Variants in CADM1 observed in about 807,000 individuals in gnomAD.
The protein encoded by CADM1 is cell adhesion molecule 1, also known as TSLC-1.
A neutral mutation model predicts 53.1 loss-of-function variants in CADM1; 15 were observed. The ratio of observed to expected loss-of-function variants is 0.28; its 90% CI spans 0.19 to 0.44. CADM1 has a LOEUF of 0.44. CADM1 is among the 20% of genes least tolerant of loss of function. The probability of loss-of-function intolerance (pLI) is 1.00; values close to 1 mark genes in which losing one functional copy is unlikely to be tolerated. For synonymous variants in CADM1, 281 were observed against 243.0 expected (o/e 1.16, Z -1.45); for missense variants, 434 against 611.3 (o/e 0.71, Z 3.06).
chr11:115,455,957 G>A (rs1158371026), intron 1 of CADM1, among the ~76,000 whole-genome samples: 1 of 152,112 alleles, frequency 6.6e-6, no homozygotes, highest in Non-Finnish European at 1.5e-5. Context: ...CTTTCATGCT[G>A]AACATCCTAC....
intron 1 of CADM1, among the ~76,000 whole-genome samples, chr11:115,363,478 T>C (rs1272860197): frequency 1.3e-5 from 2 of 152,222 alleles, no homozygotes; most frequent in African/African-American, 4.8e-5. Context: ...TCGATTTGTT[T>C]GTTTGCCCAC....
rs1941808565 is a variant in CADM1, at chr11:115,231,402, G to A, written c.513C>T (p.Ser171=). Residue 171 remains serine (S), a synonymous_variant, in exon 4 of 12, where the codon AGC becomes AGT. Coordinates refer to ENST00000331581, the MANE Select transcript of CADM1 (RefSeq NM_001301043.2). ...EIEVNCTAMA[S]KPATTIRWFK... ...ACCACCTGATAGTCGTGGCTGGCTT[G>A]CTGGCCATAGCAGTGCAGTTGACTT... The A allele has an allele frequency of 6.2e-7, 1 of 1,613,968 alleles. No homozygotes were observed. Among genetic ancestry groups the A allele is most frequent in the Non-Finnish European group, 8.5e-7 (1 of 1,179,976 alleles).
chr11:115,372,033 A>T lies in CADM1; in HGVS notation c.125-131613T>A, dbSNP rs1156416282. Among the ~76,000 whole-genome samples the T allele has an allele frequency of 3.9e-5, 6 of 152,334 alleles. No homozygotes were observed. The South Asian group carries it at 1.2e-3, about 32-fold the overall frequency. ...CATGTGATAATGGTTAAGAAGAGTA[A>T]GAAAAATGCTCATTTGAAGTTTACT... On this transcript the variant is annotated intron_variant, in intron 1 of 11. Transcript: ENST00000331581.
At chr11:115,188,023 A>G (rs898263226) in intron 10 of CADM1, among the ~76,000 whole-genome samples, 1 of 152,124 alleles carries the variant, frequency 6.6e-6, no homozygotes, top group African/African-American at 2.4e-5. Context: ...CAGAAGACTG[A>G]TGGATTTCTT....
At chr11:115,405,707 G>T (rs913376237) in intron 1 of CADM1, among the ~76,000 whole-genome samples, 1 of 152,150 alleles carries the variant, frequency 6.6e-6, no homozygotes, top group African/African-American at 2.4e-5. Context: ...AAGGTAAAAA[G>T]CAAATTTCAG....
intron 1 of CADM1, among the ~76,000 whole-genome samples, chr11:115,388,515 C>T (rs1043343931): frequency 6.6e-6 from 1 of 152,066 alleles, no homozygotes; most frequent in South Asian, 2.1e-4. Context: ...GTAGAAAAAT[C>T]AGGCAATGCC....
intron 1 of CADM1, among the ~76,000 whole-genome samples, chr11:115,245,478 C>T (rs967812166): frequency 6.6e-5 from 10 of 152,168 alleles, no homozygotes; most frequent in African/African-American, 1.9e-4. Context: ...TGTGAGCCTT[C>T]GCTGACTTGA....
chr11:115,257,154 T>C (rs1942816786), intron 1 of CADM1, among the ~76,000 whole-genome samples: 1 of 152,080 alleles, frequency 6.6e-6, no homozygotes, highest in Non-Finnish European at 1.5e-5. Flanking sequence ...AGTTTTTCTT[T>C]TTAAAAAAGT....
intron 10 of CADM1, among the ~76,000 whole-genome samples, chr11:115,181,917 G>A (rs1372821821): frequency 1.3e-5 from 2 of 152,308 alleles, no homozygotes; most frequent in African/African-American, 4.8e-5. Flanking sequence ...GGAGTCGCAC[G>A]AAAACCAGAA....
intron 1 of CADM1, among the ~76,000 whole-genome samples, chr11:115,244,926 T>C (rs1231316406): frequency 6.6e-6 from 1 of 152,214 alleles, no homozygotes; most frequent in Admixed American, 6.5e-5. Context: ...TTATTACCAG[T>C]GCATGGCGGC....
chr11:115,295,018 A>G (rs1179475055), intron 1 of CADM1, among the ~76,000 whole-genome samples: 2 of 152,140 alleles, frequency 1.3e-5, no homozygotes, highest in Non-Finnish European at 1.5e-5. Context: ...CAGCCTGGGC[A>G]ACAAGAGTGA....
chr11:115,501,518 T>C (rs1395327334), intron 1 of CADM1, among the ~76,000 whole-genome samples: 2 of 152,200 alleles, frequency 1.3e-5, no homozygotes, highest in East Asian at 3.9e-4. Context: ...CTTGAACGTA[T>C]AACAGGCGTG....
intron 8 of CADM1, 39 bp downstream of exon 8, chr11:115,209,535 A>C: frequency 6.2e-7 from 1 of 1,610,796 alleles, no homozygotes; most frequent in Non-Finnish European, 8.5e-7. Flanking sequence ...AAGACAATAT[A>C]CATTCAGGAC....
intron 7 of CADM1, among the ~76,000 whole-genome samples, chr11:115,210,512 A>T (rs1295576239): frequency 1.3e-5 from 2 of 152,192 alleles, no homozygotes; most frequent in Non-Finnish European, 2.9e-5. Flanking sequence ...GGGAGGGGCA[A>T]ATATGAAAGA....
In CADM1 at chr11:115,178,780, T is replaced by C. The variant is rs774320439; in HGVS notation, c.1166-5A>G. ...CTTCTTCACCTGCTCGGGAATCTGT[T>C]AAAATCAGAAGAGGAATAGGGATGT... On this transcript the variant is annotated splice_polypyrimidine_tract_variant and splice_region_variant and intron_variant, in intron 10 of 11. Coordinates refer to ENST00000331581, the MANE Select transcript of CADM1 (RefSeq NM_001301043.2). 1.2e-6 allele frequency: 2 copies of C among 1,613,788 alleles called. No homozygotes were observed. The highest frequency in any genetic ancestry group is 2.7e-5 in the African/African-American group (2 of 74,908).
chr11:115,428,321 A>G (rs1947950326), intron 1 of CADM1, among the ~76,000 whole-genome samples: 5 of 152,240 alleles, frequency 3.3e-5, no homozygotes, highest in Admixed American at 2.0e-4. Flanking sequence ...ATGTGGCAAT[A>G]CATCCACTAA....
intron 1 of CADM1, among the ~76,000 whole-genome samples, chr11:115,412,684 A>G (rs1411234505): frequency 3.3e-5 from 5 of 152,100 alleles, no homozygotes; most frequent in Non-Finnish European, 5.9e-5. Context: ...TGTGCCGACT[A>G]CCTCACTGGA....
chr11:115,234,300 G>A (rs1168493475), intron 3 of CADM1, among the ~76,000 whole-genome samples: 3 of 152,106 alleles, frequency 2.0e-5, no homozygotes, highest in African/African-American at 4.8e-5. Flanking sequence ...TATCAATAAC[G>A]TCTGCTGGTC....
intron 1 of CADM1, among the ~76,000 whole-genome samples, chr11:115,308,137 CTCTCTGTGTG>C (rs1425147480): frequency 4.0e-4 from 42 of 105,334 alleles, no homozygotes; most frequent in African/African-American, 1.9e-3. Flanking sequence ...CACAAACTCT[CTCTCTGTGTG>C]TGTGTGTGTG....
Sources: allele counts gnomAD v4.1 joint callset (sites outside exome capture counted in the v4.1 genomes callset), GRCh38; gene constraint gnomAD v4.1.1; transcripts MANE v1.5; gene names NCBI Gene and HGNC (gene_info 2026-07-23, HGNC 2026-07-21).